GARIN2: variants seen among roughly 807,000 people sequenced by gnomAD.
GARIN2 encodes Golgi-associated RAB2 interactor protein 2.
the GARIN2 span, among the ~76,000 whole-genome samples, chr14:67,214,258 G>A: frequency 6.6e-6 from 1 of 152,080 alleles, no homozygotes; most frequent in Non-Finnish European, 1.5e-5. Context: ...TGTCCTGAAT[G>A]GTATTGCCTA....
chr14:67,212,600 T>A, the GARIN2 span, among the ~76,000 whole-genome samples: 65,692 of 113,644 alleles, frequency 0.58, 17,301 homozygotes, highest in Non-Finnish European at 0.69. Flanking sequence ...AAAAAAAAAA[T>A]ATATATATAT....
chr14:67,200,008 C>T, the GARIN2 span: 1 of 1,009,960 alleles, frequency 9.9e-7, no homozygotes, highest in East Asian at 2.6e-5. Context: ...CCATGGACCT[C>T]ATGGTTTAGG....
chr14:67,226,223 G>T, the GARIN2 span, among the ~76,000 whole-genome samples: 1 of 152,086 alleles, frequency 6.6e-6, no homozygotes, highest in Admixed American at 6.6e-5. Context: ...ACTGAATCTT[G>T]CTCTGTCGCC....
At chr14:67,219,134 T>G in the GARIN2 span, among the ~76,000 whole-genome samples, 1 of 152,112 alleles carries the variant, frequency 6.6e-6, no homozygotes, top group Non-Finnish European at 1.5e-5. Flanking sequence ...CTTGTGCTCT[T>G]AACCTGGGGC....
At chr14:67,219,274 T>TA in the GARIN2 span, among the ~76,000 whole-genome samples, 17 of 152,176 alleles carry the variant, frequency 1.1e-4, no homozygotes, top group Non-Finnish European at 8.8e-5. Flanking sequence ...CTCTTCTGCT[T>TA]ACGTTTTCCC....
At chr14:67,220,667 T>C in the GARIN2 span, among the ~76,000 whole-genome samples, 1 of 152,228 alleles carries the variant, frequency 6.6e-6, no homozygotes, top group East Asian at 1.9e-4. Flanking sequence ...CCATGGCTCT[T>C]TCCTTTGTTT....
the GARIN2 span, among the ~76,000 whole-genome samples, chr14:67,205,781 G>GT: frequency 5.9e-5 from 9 of 152,192 alleles, no homozygotes; most frequent in Non-Finnish European, 1.0e-4. Flanking sequence ...AGTCTCCTGT[G>GT]TAAGGGAATG....
At chr14:67,199,287 T>C in the GARIN2 span, 4 of 1,604,466 alleles carry the variant, frequency 2.5e-6, no homozygotes, top group South Asian at 4.4e-5. Context: ...ATCATGAACA[T>C]GATCAGACTC....
chr14:67,198,024 C>A, the GARIN2 span: 1 of 1,005,222 alleles, frequency 9.9e-7, no homozygotes, highest in Non-Finnish European at 1.4e-6. Flanking sequence ...GGTGCAGTGC[C>A]AAGCATATCA....
At chr14:67,225,779 C>T in the GARIN2 span, among the ~76,000 whole-genome samples, 56 of 152,182 alleles carry the variant, frequency 3.7e-4, no homozygotes, top group African/African-American at 1.1e-3. Flanking sequence ...TAAGTTTGTT[C>T]GAAACACCAG....
the GARIN2 span, chr14:67,203,405 A>G: frequency 1.3e-4 from 106 of 831,388 alleles, no homozygotes; most frequent in African/African-American, 1.3e-3. Context: ...TGTTACTCGC[A>G]CTCCCTGCTG....
the GARIN2 span, among the ~76,000 whole-genome samples, chr14:67,211,255 T>C: frequency 6.6e-6 from 1 of 151,742 alleles, no homozygotes; most frequent in African/African-American, 2.4e-5. Context: ...ATAGATAAAA[T>C]ATAGGTGGGA....
the GARIN2 span, chr14:67,223,827 T>A: frequency 1.0e-6 from 1 of 985,790 alleles, no homozygotes; most frequent in Non-Finnish European, 1.2e-6. Context: ...AATCACCTGT[T>A]CCCCTTCCAT....
chr14:67,218,366 G>A, the GARIN2 span, among the ~76,000 whole-genome samples: 2 of 152,176 alleles, frequency 1.3e-5, no homozygotes, highest in Non-Finnish European at 2.9e-5. Context: ...ATGTTTACTG[G>A]GTGGGTGGCC....
the GARIN2 span, among the ~76,000 whole-genome samples, chr14:67,220,665 C>T: frequency 6.6e-6 from 1 of 152,110 alleles, no homozygotes; most frequent in Non-Finnish European, 1.5e-5. Context: ...TACCATGGCT[C>T]TTTCCTTTGT....
At chr14:67,201,080 G>A in the GARIN2 span, among the ~76,000 whole-genome samples, 6 of 152,186 alleles carry the variant, frequency 3.9e-5, no homozygotes. Flanking sequence ...AGGATCGCTT[G>A]AGGCCAGGTT....
the GARIN2 span, chr14:67,225,247 C>T: frequency 2.0e-6 from 3 of 1,515,882 alleles, no homozygotes; most frequent in Non-Finnish European, 1.8e-6. Flanking sequence ...GATGGAAAAA[C>T]ATGTAAGACA....
the GARIN2 span, among the ~76,000 whole-genome samples, chr14:67,213,112 C>A: frequency 9.5e-5 from 13 of 137,346 alleles, no homozygotes; most frequent in Non-Finnish European, 1.5e-4. Context: ...TTTTTTTTTA[C>A]TTCTCAGATA....
the GARIN2 span, chr14:67,225,166 C>G: frequency 6.3e-7 from 1 of 1,583,756 alleles, no homozygotes; most frequent in Non-Finnish European, 8.6e-7. Context: ...AAACTTGTGC[C>G]TCATCTGTCT....
Sources: gnomAD v4.1 joint callset for allele counts (sites outside exome capture counted in the v4.1 genomes callset) on GRCh38, gnomAD v4.1.1 for gene constraint, MANE v1.5 for transcripts, NCBI Gene and HGNC (gene_info 2026-07-23, HGNC 2026-07-21) for gene names.